CPXM2: variants seen among roughly 807,000 people sequenced by gnomAD.
CPXM2 encodes carboxypeptidase X, M14 family member 2, also known as inactive carboxypeptidase-like protein X2.
Under a neutral mutation model 86.1 loss-of-function variants are expected in CPXM2, and 66 were observed. That is an observed-to-expected ratio of 0.77 (90% CI 0.63 to 0.94). The LOEUF (loss-of-function observed/expected upper bound fraction) is 0.94. CPXM2 is among the 40% of genes least tolerant of loss of function. The pLI is 0.00. For synonymous variants in CPXM2, 388 were observed against 400.2 expected (o/e 0.97, Z 0.36); for missense variants, 948 against 1,026.3 (o/e 0.92, Z 1.04).
At chr10:123,925,173 A>G (rs1189724630) in intron 2 of CPXM2, among the ~76,000 whole-genome samples, 1 of 152,148 alleles carries the variant, frequency 6.6e-6, no homozygotes, top group African/African-American at 2.4e-5. Context: ...CCTGGACCCA[A>G]TTTATGCCCT....
At position 123,777,520 on chromosome 10, in the gene CPXM2, A is replaced by C. The variant is rs1263165669; in HGVS notation, c.978+2647T>G. ...CCCGCCCTCCATACAACTTCCAGAAAGACAGCTCTGCACACCTAAAGAACC... is the reference window on the plus strand; with the variant it reads ...CCCGCCCTCCATACAACTTCCAGAACGACAGCTCTGCACACCTAAAGAACC... On this transcript the variant is annotated intron_variant, in intron 7 of 13. Transcript: ENST00000241305. 3 of 128,562 alleles carry C rather than the reference A, an allele frequency of 2.3e-5. No homozygotes were observed. The East Asian group carries it at 7.0e-4, about 30-fold the overall frequency. The allele number at this position is 128,562 out of a possible 1,614,324, so 8.0% of individuals were successfully genotyped here. A position where few individuals can be genotyped will look rare whatever the true frequency, so the allele number is the denominator to read the frequency against.
chr10:123,756,661 A>G (rs1196384222), intron 12 of CPXM2, among the ~76,000 whole-genome samples: 1 of 151,400 alleles, frequency 6.6e-6, no homozygotes, highest in Admixed American at 6.6e-5. Flanking sequence ...GCCTTCGAAG[A>G]GGTAATTAAG....
chr10:123,907,419 C>G (rs1456853564), intron 2 of CPXM2, among the ~76,000 whole-genome samples: 5 of 152,228 alleles, frequency 3.3e-5, no homozygotes, highest in Admixed American at 2.0e-4. Context: ...GGGAGGACAA[C>G]ACACAGAGAA....
chr10:123,923,091 G>C (rs1471022569), intron 2 of CPXM2, among the ~76,000 whole-genome samples: 1 of 152,156 alleles, frequency 6.6e-6, no homozygotes, highest in Non-Finnish European at 1.5e-5. Context: ...AGAAAAACAT[G>C]CAAAATTGCC....
At position 123,865,634 on chromosome 10, in the gene CPXM2, C is replaced by G. The variant is rs1300772441; in HGVS notation, c.404-2911G>C. Among the ~76,000 whole-genome samples the G allele has an allele frequency of 6.6e-6, 1 of 152,192 alleles. No homozygotes were observed. ...GAGAGGGCCTGACTCACCTGGTCCC[C>G]TGGCTGCCCACTGGGATCAGGGTGC... On this transcript the variant is annotated intron_variant, in intron 2 of 13. Transcript: ENST00000241305. The surrounding 1 kb of genome is among the most constrained non-coding windows in gnomAD (Gnocchi z 4.7).
intron 4 of CPXM2, among the ~76,000 whole-genome samples, chr10:123,822,522 T>C (rs1171417689): frequency 6.6e-6 from 1 of 151,834 alleles, no homozygotes; most frequent in African/African-American, 2.4e-5. Context: ...ACAGAGTGCT[T>C]GTAAATCGGG....
intron 7 of CPXM2, among the ~76,000 whole-genome samples, chr10:123,772,497 T>G (rs913112847): frequency 6.6e-5 from 10 of 151,618 alleles, no homozygotes; most frequent in African/African-American, 2.4e-4. Flanking sequence ...GTTGCAGTTA[T>G]CACTCCCCTG....
rs778138933 is a variant in CPXM2 at position 123,799,203 on chromosome 10, T to C, written c.654-4A>G. On this transcript the variant is annotated splice_region_variant and splice_polypyrimidine_tract_variant and intron_variant, in intron 4 of 13. Transcript: ENST00000241305. The stretch of plus-strand genomic sequence containing the variant: ...ATAGGATGTCACCCAGTCACTCCTA[T>C]GAGAAAATAAAACATCATTAGGACT... The C allele has an allele frequency of 6.2e-7, 1 of 1,613,976 alleles. No homozygotes were observed. Among genetic ancestry groups the C allele is most frequent in the Non-Finnish European group, 8.5e-7 (1 of 1,179,992 alleles).
At position 123,891,328 on chromosome 10, in the gene CPXM2, G is replaced by A. The variant is rs1945265606; in HGVS notation, c.304+28C>T. 2.7e-6 allele frequency: 4 copies of A among 1,471,310 alleles called. No homozygotes were observed. The highest frequency in any genetic ancestry group is 3.6e-6 in the Non-Finnish European group (4 of 1,110,586). The allele number at this position is 1,471,310 out of a possible 1,614,324, so 91.1% of individuals were successfully genotyped here. On this transcript the variant is annotated intron_variant, in intron 1 of 13. Transcript: ENST00000241305. This position sits in a 1 kb window ranked among gnomAD's most constrained non-coding sequence, Gnocchi z 5.6. ...GGCGCGCAACCACCGGCGCCCCCTCGGGCTGCCCAGCGCAGAAAGTTCCTT... is the reference window on the plus strand; with the variant it reads ...GGCGCGCAACCACCGGCGCCCCCTCAGGCTGCCCAGCGCAGAAAGTTCCTT...
At position 123,745,920 on chromosome 10, in the gene CPXM2, G is replaced by GA. The variant is rs1845962040; in HGVS notation, c.*843_*844insT. The GA allele has an allele frequency of 6.6e-6, 1 of 151,938 alleles. No homozygotes were observed. The highest frequency in any genetic ancestry group is 1.5e-5 in the Non-Finnish European group (1 of 68,040). The allele number at this position is 151,938 out of a possible 1,614,324, so 9.4% of individuals were successfully genotyped here. The stretch of plus-strand genomic sequence containing the variant: ...TACCTCAAGCAGAGAGAGGGCTTCA[G>GA]GCCACCCCACTTCTGGCTCTTTCCA... On this transcript the variant is annotated 3_prime_UTR_variant, in exon 14 of 14. Coordinates refer to ENST00000241305, the MANE Select transcript of CPXM2 (RefSeq NM_198148.3).
At chr10:123,787,817 C>G (rs952797912) in intron 6 of CPXM2, among the ~76,000 whole-genome samples, 4 of 152,248 alleles carry the variant, frequency 2.6e-5, no homozygotes, top group Admixed American at 2.6e-4. Context: ...TCCAGACCGG[C>G]AGACCCATAG....
intron 7 of CPXM2, among the ~76,000 whole-genome samples, chr10:123,778,072 C>T (rs1846841278): frequency 6.6e-6 from 1 of 152,218 alleles, no homozygotes; most frequent in African/African-American, 2.4e-5. Context: ...CAACCACCTG[C>T]AGCTTCCCAC....
At chr10:123,811,020 C>T (rs1300950290) in intron 4 of CPXM2, among the ~76,000 whole-genome samples, 3 of 151,890 alleles carry the variant, frequency 2.0e-5, no homozygotes. Context: ...AGATCTCTAG[C>T]ATATCGATTT....
intron 6 of CPXM2, among the ~76,000 whole-genome samples, chr10:123,786,488 C>T (rs866621970): frequency 1.3e-5 from 2 of 152,170 alleles, no homozygotes; most frequent in Admixed American, 6.5e-5. Flanking sequence ...TGACGGCAAA[C>T]AATTGGACAT....
At chr10:123,756,760 A>G (rs1219748) in intron 12 of CPXM2, among the ~76,000 whole-genome samples, 150,032 of 152,306 alleles carry the variant, frequency 0.99, 73,933 homozygotes, top group East Asian at 1. Flanking sequence ...GATAACCACC[A>G]CATGAAGAGG....
intron 2 of CPXM2, among the ~76,000 whole-genome samples, chr10:123,922,533 T>C (rs1945586685): frequency 6.6e-6 from 1 of 152,204 alleles, no homozygotes; most frequent in Non-Finnish European, 1.5e-5. Flanking sequence ...TTTGTGATCC[T>C]CACTCAGCAG....
At chr10:123,867,828 C>T (rs1357666344) in intron 2 of CPXM2, among the ~76,000 whole-genome samples, 4 of 152,176 alleles carry the variant, frequency 2.6e-5, no homozygotes, top group Admixed American at 6.5e-5. Flanking sequence ...CCACTGCGCC[C>T]GGCCCATCCT....
chr10:123,821,803 C>G (rs1847929732), intron 4 of CPXM2, among the ~76,000 whole-genome samples: 1 of 152,212 alleles, frequency 6.6e-6, no homozygotes, highest in Non-Finnish European at 1.5e-5. Context: ...AAAGAATTAT[C>G]TGTCCCATTG....
intron 11 of CPXM2, 132 bp downstream of exon 11, chr10:123,761,740 G>T: frequency 1.2e-6 from 1 of 812,056 alleles, no homozygotes; most frequent in Non-Finnish European, 2.0e-6. Flanking sequence ...GTGCTGGCAG[G>T]TCCTAAGTGC....
Sources: gnomAD v4.1 joint callset for allele counts (sites outside exome capture counted in the v4.1 genomes callset) on GRCh38, gnomAD v4.1.1 for gene constraint, Gnocchi (gnomAD v3.1) non-coding constraint, MANE v1.5 for transcripts, NCBI Gene and HGNC (gene_info 2026-07-23, HGNC 2026-07-21) for gene names.